The following PLPPR1 variants were observed in gnomAD, a reference collection of about 807,000 sequenced individuals.
The protein encoded by PLPPR1 is phospholipid phosphatase-related protein type 1.
Under a neutral mutation model 33.1 loss-of-function variants are expected in PLPPR1, and 10 were observed. The ratio of observed to expected loss-of-function variants is 0.30; its 90% confidence interval spans 0.19 to 0.51. The LOEUF is 0.51. PLPPR1 is among the 20% of genes least tolerant of loss of function. The probability of loss-of-function intolerance (pLI) is 0.97; values close to 1 mark genes in which losing one functional copy is unlikely to be tolerated. For synonymous variants in PLPPR1, 151 were observed against 151.0 expected, an observed-to-expected ratio of 1.00 and a Z score of 0.00; for missense variants, 304 against 408.1, an observed-to-expected ratio of 0.74 and a Z score of 2.20.
chr9:101,060,632 C>A (rs1453653404), intron 1 of PLPPR1, among the ~76,000 whole-genome samples: 1 of 151,588 alleles, frequency 6.6e-6, no homozygotes, highest in Admixed American at 6.6e-5. Context: ...AAAATATATA[C>A]AATAATTTAG....
At chr9:101,085,502 T>C (rs970174126) in intron 1 of PLPPR1, among the ~76,000 whole-genome samples, 1 of 151,976 alleles carries the variant, frequency 6.6e-6, no homozygotes, top group Non-Finnish European at 1.5e-5. Flanking sequence ...GATGGGGCAA[T>C]TTATAATCAT....
intron 2 of PLPPR1, among the ~76,000 whole-genome samples, chr9:101,203,089 A>G (rs1193659236): frequency 6.6e-6 from 1 of 152,196 alleles, no homozygotes. Context: ...TTGCAGATAC[A>G]TGTTTTAAAC....
At chr9:101,311,031 T>C (rs1247331418) in intron 5 of PLPPR1, among the ~76,000 whole-genome samples, 1 of 152,224 alleles carries the variant, frequency 6.6e-6, no homozygotes, top group Non-Finnish European at 1.5e-5. Context: ...TTTCAAATTT[T>C]CAGAATGTTG....
chr9:101,267,413 G>A (rs563373479), intron 2 of PLPPR1, among the ~76,000 whole-genome samples: 1 of 152,252 alleles, frequency 6.6e-6, no homozygotes, highest in African/African-American at 2.4e-5. Context: ...AGCAGAGAAG[G>A]CTGGCATAAA....
At chr9:101,294,525 T>C (rs1455815303) in intron 4 of PLPPR1, among the ~76,000 whole-genome samples, 1 of 151,110 alleles carries the variant, frequency 6.6e-6, no homozygotes. Flanking sequence ...ACCAATATCC[T>C]TGATGAACAT....
At chr9:101,318,340 A>C (rs1384884126) in intron 7 of PLPPR1, among the ~76,000 whole-genome samples, 1 of 152,234 alleles carries the variant, frequency 6.6e-6, no homozygotes, top group African/African-American at 2.4e-5. Context: ...TTGCCAACTG[A>C]AAGGAGCCTG....
At chr9:101,177,661 G>A (rs1005875594) in intron 1 of PLPPR1, among the ~76,000 whole-genome samples, 14 of 150,724 alleles carry the variant, frequency 9.3e-5, no homozygotes, top group African/African-American at 3.1e-4. Context: ...TTTCATGGAT[G>A]TGAAACAAAA....
At chr9:101,141,461 A>G (rs1439798990) in intron 1 of PLPPR1, among the ~76,000 whole-genome samples, 1 of 152,182 alleles carries the variant, frequency 6.6e-6, no homozygotes, top group Non-Finnish European at 1.5e-5. Context: ...TACTTTGCCA[A>G]AAACCACACT....
At position 101,028,938 on chromosome 9, in the gene PLPPR1, C is replaced by T. The variant is rs111337248; in HGVS notation, c.-210C>T. On this transcript the variant is annotated 5_prime_UTR_variant, in exon 1 of 8. Transcript: ENST00000374874. The stretch of plus-strand genomic sequence containing the variant: ...ACTCGCGCACACACTCGCACAAACA[C>T]ACACTCGTACACGCCCGCGCCGCTC... 0.022 allele frequency: 3,431 copies of T among 152,882 alleles called. 52 individuals carry two copies. The highest frequency in any genetic ancestry group is 0.037 in the Non-Finnish European group (2,554 of 68,444). 9.5% of individuals were successfully genotyped at this position (152,882 alleles called of 1,614,324 possible). A position where few individuals can be genotyped will look rare whatever the true frequency, so the allele number is the denominator to read the frequency against.
chr9:101,191,548 A>G (rs977487959), intron 2 of PLPPR1, among the ~76,000 whole-genome samples: 1 of 151,924 alleles, frequency 6.6e-6, no homozygotes, highest in East Asian at 1.9e-4. Flanking sequence ...TTTTTTTGTA[A>G]AAAGGACTTC....
chr9:101,254,718 C>T (rs1331923468), intron 2 of PLPPR1, among the ~76,000 whole-genome samples: 1 of 152,162 alleles, frequency 6.6e-6, no homozygotes, highest in Non-Finnish European at 1.5e-5. Context: ...ATAAGAGCCA[C>T]TTATGTGTTT....
intron 4 of PLPPR1, among the ~76,000 whole-genome samples, chr9:101,300,997 T>G (rs1828740559): frequency 6.6e-6 from 1 of 152,208 alleles, no homozygotes. Context: ...AGGACATTCT[T>G]GAGATAAAAT....
At chr9:101,190,122 G>A (rs1185191399) in intron 2 of PLPPR1, among the ~76,000 whole-genome samples, 3 of 152,024 alleles carry the variant, frequency 2.0e-5, no homozygotes, top group South Asian at 2.1e-4. Context: ...AGTCTCAAAC[G>A]TATCGTCAAA....
At chr9:101,301,262 T>C (rs1442644185) in intron 4 of PLPPR1, among the ~76,000 whole-genome samples, 1 of 152,176 alleles carries the variant, frequency 6.6e-6, no homozygotes, top group African/African-American at 2.4e-5. Context: ...CAAATATTTG[T>C]TTCAGGTTGT....
intron 1 of PLPPR1, among the ~76,000 whole-genome samples, chr9:101,075,752 A>G (rs2118497808): frequency 6.6e-6 from 1 of 152,338 alleles, no homozygotes; most frequent in South Asian, 2.1e-4. Context: ...CATATAAGCA[A>G]TTAATGATAG....
intron 1 of PLPPR1, among the ~76,000 whole-genome samples, chr9:101,164,791 G>C (rs1825832379): frequency 6.6e-6 from 1 of 152,100 alleles, no homozygotes; most frequent in Non-Finnish European, 1.5e-5. Flanking sequence ...TGTTTTTCAG[G>C]GTGTTTGTTT....
intron 2 of PLPPR1, among the ~76,000 whole-genome samples, chr9:101,221,106 T>A (rs964926004): frequency 1.3e-5 from 2 of 152,294 alleles, no homozygotes; most frequent in South Asian, 2.1e-4. Context: ...TTTTTCTTTT[T>A]TCATAAGGTA....
intron 2 of PLPPR1, among the ~76,000 whole-genome samples, chr9:101,238,344 T>G (rs1355554868): frequency 3.2e-5 from 3 of 95,060 alleles, no homozygotes; most frequent in Admixed American, 1.1e-4. Context: ...TCTCTATATA[T>G]AGAGGTGTAT....
Position 101,324,135 on chromosome 9 carries a change from C to T in PLPPR1, c.*78C>T. On this transcript the variant is annotated 3_prime_UTR_variant, in exon 8 of 8. Transcript: ENST00000374874. ...TTCAAAACACACAGTTGCTCAATGT[C>T]AAACTGTGATGACAAATATTACGTT... The T allele has an allele frequency of 8.4e-7, 1 of 1,195,898 alleles. No homozygotes were observed. The highest frequency in any genetic ancestry group is 1.3e-5 in the South Asian group (1 of 76,506). The allele number at this position is 1,195,898 out of a possible 1,614,324, so 74.1% of individuals were successfully genotyped here.
Sources: allele counts gnomAD v4.1 joint callset (sites outside exome capture counted in the v4.1 genomes callset), GRCh38; gene constraint gnomAD v4.1.1; transcripts MANE v1.5; gene names NCBI Gene and HGNC (gene_info 2026-07-23, HGNC 2026-07-21).